The following CNTN4 variants were observed in gnomAD, a reference collection of about 807,000 sequenced individuals.
CNTN4 encodes contactin 4.
CNTN4 carries 77 observed loss-of-function variants against 122.5 expected under a neutral mutation model. The observed-to-expected ratio is 0.63, with a 90% CI of 0.52 to 0.76. The LOEUF (loss-of-function observed/expected upper bound fraction) is 0.76, where lower values mean the gene tolerates loss of function less well. CNTN4 is among the 30% of genes least tolerant of loss of function. The pLI, the probability that CNTN4 is intolerant of heterozygous loss-of-function variation, is 0.00. For synonymous variants in CNTN4, 512 were observed against 447.0 expected, an observed-to-expected ratio of 1.15 and a Z score of -1.83; for missense variants, 1,256 against 1,259.1, an observed-to-expected ratio of 1.00 and a Z score of 0.04.
intron 4 of CNTN4, among the ~76,000 whole-genome samples, chr3:2,644,110 T>C (rs2083013750): frequency 6.6e-6 from 1 of 152,182 alleles, no homozygotes; most frequent in Non-Finnish European, 1.5e-5. Flanking sequence ...CCAGGGCATC[T>C]GTCCCCATGT....
At chr3:2,755,885 A>C (rs2090314408) in intron 6 of CNTN4, among the ~76,000 whole-genome samples, 1 of 152,244 alleles carries the variant, frequency 6.6e-6, no homozygotes, top group Non-Finnish European at 1.5e-5. Context: ...ATCACCATAA[A>C]AAAACCAAGG....
chr3:2,783,961 A>T (rs537074522), intron 6 of CNTN4, among the ~76,000 whole-genome samples: 48 of 152,362 alleles, frequency 3.2e-4, no homozygotes, highest in African/African-American at 1.1e-3. Context: ...GGAAAGGTCA[A>T]TATACTCTTT....
At chr3:2,900,843 G>A in intron 11 of CNTN4, 22 bp downstream of exon 11, 2 of 1,613,652 alleles carry the variant, frequency 1.2e-6, no homozygotes, top group East Asian at 2.2e-5. Context: ...AATGGTAATT[G>A]TGCCTTAGTC....
chr3:2,344,368 T>A (rs925301832), intron 3 of CNTN4, among the ~76,000 whole-genome samples: 1 of 150,830 alleles, frequency 6.6e-6, no homozygotes, highest in Non-Finnish European at 1.5e-5. Context: ...CTCTACCTCC[T>A]TCCTGGGTTC....
rs959801033 is a variant in CNTN4, at chr3:2,792,777, A to T, written c.359-26709A>T. Among the ~76,000 whole-genome samples the T allele has an allele frequency of 2.6e-5, 4 of 152,324 alleles. No individual in the cohort carries two copies. The East Asian group carries it at 7.7e-4, about 29-fold the overall frequency. Reference sequence around the variant, plus strand: ...AGAGAGAATAGGGTGGGAGAGAGAAATCCTTAGTTTAGGCTGTTTTGAAAT... The same window carrying T: ...AGAGAGAATAGGGTGGGAGAGAGAATTCCTTAGTTTAGGCTGTTTTGAAAT... On this transcript the variant is annotated intron_variant, in intron 6 of 24. Coordinates refer to ENST00000418658, the MANE Select transcript of CNTN4 (RefSeq NM_175607.3).
At chr3:2,524,332 C>T (rs947066202) in intron 3 of CNTN4, among the ~76,000 whole-genome samples, 2 of 151,984 alleles carry the variant, frequency 1.3e-5, no homozygotes, top group Non-Finnish European at 2.9e-5. Flanking sequence ...CTTTTTATGG[C>T]CAAATAATAT....
chr3:2,635,854 T>A (rs1225053475), intron 4 of CNTN4, among the ~76,000 whole-genome samples: 3 of 152,110 alleles, frequency 2.0e-5, no homozygotes, highest in Non-Finnish European at 2.9e-5. Flanking sequence ...CCCAGATAGT[T>A]TCAAGGAACT....
At chr3:2,109,415 G>T (rs1260732939) in intron 2 of CNTN4, among the ~76,000 whole-genome samples, 1 of 152,040 alleles carries the variant, frequency 6.6e-6, no homozygotes, top group Non-Finnish European at 1.5e-5. Context: ...TGTTGTTGTT[G>T]TTGTTAACCA....
At chr3:2,754,005 A>G (rs2090216767) in intron 6 of CNTN4, among the ~76,000 whole-genome samples, 1 of 152,198 alleles carries the variant, frequency 6.6e-6, no homozygotes, top group South Asian at 2.1e-4. Context: ...GTAGGCTGTA[A>G]AGCATTTTGA....
intron 2 of CNTN4, among the ~76,000 whole-genome samples, chr3:2,255,243 A>G (rs1420726783): frequency 1.3e-5 from 2 of 152,118 alleles, no homozygotes; most frequent in African/African-American, 2.4e-5. Context: ...CCATTGGTCT[A>G]TATATCTGTT....
intron 16 of CNTN4, among the ~76,000 whole-genome samples, chr3:3,033,108 C>T (rs975011806): frequency 2.0e-5 from 3 of 151,950 alleles, no homozygotes; most frequent in African/African-American, 7.3e-5. Context: ...ATTTGTGGTA[C>T]TTAGATTTTA....
At chr3:2,228,995 A>G (rs948673131) in intron 2 of CNTN4, among the ~76,000 whole-genome samples, 12 of 152,178 alleles carry the variant, frequency 7.9e-5, no homozygotes, top group African/African-American at 2.9e-4. Context: ...CTTCTGCTGT[A>G]TATAAGAATG....
At chr3:2,437,031 C>A (rs1314029815) in intron 3 of CNTN4, among the ~76,000 whole-genome samples, 1 of 151,564 alleles carries the variant, frequency 6.6e-6, no homozygotes, top group Non-Finnish European at 1.5e-5. Context: ...GTTTATAGGT[C>A]CTTAGATAAA....
intron 4 of CNTN4, among the ~76,000 whole-genome samples, chr3:2,717,865 A>G (rs1465396152): frequency 2.6e-5 from 4 of 152,146 alleles, no homozygotes; most frequent in Admixed American, 6.6e-5. Flanking sequence ...TAGCCAGTCT[A>G]CTGGGTATGA....
intron 14 of CNTN4, among the ~76,000 whole-genome samples, chr3:3,003,699 A>C (rs376174946): frequency 0.05 from 7,183 of 144,792 alleles, 316 homozygotes; most frequent in Non-Finnish European, 0.067. Flanking sequence ...AAAAAAAAAA[A>C]AAAAAAAAAA....
At chr3:2,714,646 G>C (rs1559420245) in intron 4 of CNTN4, among the ~76,000 whole-genome samples, 1 of 152,192 alleles carries the variant, frequency 6.6e-6, no homozygotes, top group Non-Finnish European at 1.5e-5. Context: ...AACCAGAACA[G>C]AACCAGAGAC....
At chr3:2,946,075 A>G (rs2094674739) in intron 13 of CNTN4, among the ~76,000 whole-genome samples, 2 of 152,198 alleles carry the variant, frequency 1.3e-5, no homozygotes, top group African/African-American at 4.8e-5. Flanking sequence ...TCAGGGCTAA[A>G]TGAAACTTTA....
At chr3:2,688,848 C>T (rs2085573873) in intron 4 of CNTN4, among the ~76,000 whole-genome samples, 1 of 152,170 alleles carries the variant, frequency 6.6e-6, no homozygotes. Flanking sequence ...TTCTGTGGCC[C>T]AGTCACTAGT....
chr3:2,466,506 AT>A (rs2075502149), intron 3 of CNTN4, among the ~76,000 whole-genome samples: 1 of 152,182 alleles, frequency 6.6e-6, no homozygotes, highest in Non-Finnish European at 1.5e-5. Context: ...GAGGGCAGTA[AT>A]TTTGTAAAGT....
Sources: gnomAD v4.1 joint callset for allele counts (sites outside exome capture counted in the v4.1 genomes callset) on GRCh38, gnomAD v4.1.1 for gene constraint, MANE v1.5 for transcripts, NCBI Gene and HGNC (gene_info 2026-07-23, HGNC 2026-07-21) for gene names.